The following PCSK7 variants were observed in gnomAD, a reference collection of about 807,000 sequenced individuals.
The protein encoded by PCSK7 is lymphoma proprotein convertase.
Under a neutral mutation model 73.3 loss-of-function variants are expected in PCSK7, and 38 were observed. That is an observed-to-expected ratio of 0.52 (90% CI 0.40 to 0.68). PCSK7 has a LOEUF of 0.68. Among genes scored for constraint, PCSK7 ranks in the 30% least tolerant of loss-of-function variants. The pLI is 0.00. For synonymous variants in PCSK7, 296 were observed against 383.8 expected, an observed-to-expected ratio of 0.77 and a Z score of 2.68; for missense variants, 692 against 991.5, an observed-to-expected ratio of 0.70 and a Z score of 4.06.
In PCSK7 at chr11:117,206,246, G is replaced by C; in HGVS notation, c.2109C>G (p.Pro703=). The part of the protein sequence containing the change: ...VASNQVCRSG[P]CHWPHRSRKA... ...TCCGGCTCCGATGGGGCCAGTGGCA[G>C]GGTCCACTCCTACAAACTTGATTGG... is the stretch of plus-strand genomic sequence containing the variant. The change falls in exon 17 of 17, where the codon CCC becomes CCG. Residue 703 remains proline, a synonymous_variant. Coordinates refer to ENST00000320934, the MANE Select transcript of PCSK7 (RefSeq NM_004716.4). 2 of 1,614,186 alleles carry C rather than the reference G, an allele frequency of 1.2e-6. No homozygotes were observed. The highest frequency in any genetic ancestry group is 1.1e-5 in the South Asian group (1 of 91,084).
rs200803355 is a variant in PCSK7 at position 117,219,769 on chromosome 11, A to G, written c.1156-11T>C. On this transcript the variant is annotated splice_polypyrimidine_tract_variant and intron_variant, in intron 9 of 16. Transcript: ENST00000320934. ...CCAGTCAGTGGTCACCTGGAAGTGA[A>G]ACAGGAAAAGGAAGTAGGTTAGAGA... 8.9e-6 allele frequency: 14 copies of G among 1,567,724 alleles called. No homozygotes were observed. The highest frequency in any genetic ancestry group is 1.0e-5 in the Non-Finnish European group (12 of 1,157,102).
At chr11:117,227,974 G>C (rs2032496286) in intron 4 of PCSK7, among the ~76,000 whole-genome samples, 2 of 152,212 alleles carry the variant, frequency 1.3e-5, no homozygotes, top group African/African-American at 4.8e-5. Context: ...GAAGTTGCCT[G>C]CAGGGGCCAC....
Position 117,219,120 on chromosome 11 carries a change from G to A in PCSK7, c.1368C>T (p.Phe456=). ...CGAAACCGTGCTGGTGGCTATGGCTGAAGCCTGCCTCGTTGGTGACCCACT... is the reference window on the plus strand; with the variant it reads ...CGAAACCGTGCTGGTGGCTATGGCTAAAGCCTGCCTCGTTGGTGACCCACT... The part of the protein sequence containing the change: ...RAEWVTNEAG[F]SHSHQHGFGL... Residue 456 remains phenylalanine, a synonymous_variant, in exon 11 of 17, where the codon TTC becomes TTT. Coordinates refer to ENST00000320934, the MANE Select transcript of PCSK7 (RefSeq NM_004716.4). 1 of 1,611,442 alleles carries A rather than the reference G, an allele frequency of 6.2e-7. No individual in the cohort carries two copies. Among genetic ancestry groups the A allele is most frequent in the South Asian group, 1.1e-5 (1 of 91,056 alleles).
chr11:117,212,872 GC>G, intron 12 of PCSK7: 1 of 152,164 alleles, frequency 6.6e-6, no homozygotes, highest in South Asian at 2.1e-4. Flanking sequence ...GCACCACCAT[GC>G]CCAGCTAATT....
intron 12 of PCSK7, chr11:117,216,995 G>A (rs12275502): frequency 6.6e-6 from 1 of 152,114 alleles, no homozygotes; most frequent in Non-Finnish European, 1.5e-5. Context: ...GAAAACTCTG[G>A]TAAAACTTTT....
chr11:117,227,257 C>T lies in PCSK7; in HGVS notation c.669G>A (p.Glu223=), dbSNP rs774551427. 1.2e-6 allele frequency: 2 copies of T among 1,613,744 alleles called. No individual in the cohort carries two copies. Among genetic ancestry groups the T allele is most frequent in the South Asian group, 1.1e-5 (1 of 91,068 alleles). The part of the protein sequence containing the change: ...DPDPMPHPDV[E]NGNHHGTRCA... ...ATCGCGTGCCATGGTGGTTGCCATTCTCCACATCCGGGTGGGGCATGGGGT... is the reference window on the plus strand; with the variant it reads ...ATCGCGTGCCATGGTGGTTGCCATTTTCCACATCCGGGTGGGGCATGGGGT... The change falls in exon 5 of 17, where the codon GAG becomes GAA. Residue 223 remains glutamate, a synonymous_variant. Transcript: ENST00000320934.
Position 117,224,133 on chromosome 11 carries a change from G to A in PCSK7, c.999C>T (p.His333=). The change falls in exon 8 of 17, where the codon CAC becomes CAT. Residue 333 remains histidine (H), a synonymous_variant. Coordinates refer to ENST00000320934, the MANE Select transcript of PCSK7 (RefSeq NM_004716.4). ...FVVASGNGGQ[H]NDNCNYDGYA... ...AGCCATCGTAGTTGCAGTTGTCGTT[G>A]TGTTGGCCTCCGTTGCCACTGGCTA... 2 of 1,614,142 alleles carry A rather than the reference G, an allele frequency of 1.2e-6. No individual in the cohort carries two copies. The highest frequency in any genetic ancestry group is 1.6e-4 in the Middle Eastern group (1 of 6,062).
chr11:117,208,618 G>A (rs1393854683), intron 13 of PCSK7: 1 of 320,880 alleles, frequency 3.1e-6, no homozygotes, highest in Non-Finnish European at 5.3e-6. Flanking sequence ...CCAAAGTGCT[G>A]GGATTACAGG....
At chr11:117,229,307 T>G in intron 3 of PCSK7, 70 bp downstream of exon 3, 1 of 1,179,478 alleles carries the variant, frequency 8.5e-7, no homozygotes, top group Non-Finnish European at 1.2e-6. Context: ...AGTGATATAG[T>G]CAAAAGCCCA....
In PCSK7 at chr11:117,204,364, G is replaced by A. The variant is rs759328216; in HGVS notation, c.*1633C>T. On this transcript the variant is annotated 3_prime_UTR_variant, in exon 17 of 17. Transcript: ENST00000320934. ...CCTCGGCAGATCATCAGTTAGAGCGGAGAGGGCTAGCCCTGAGCCCGGCCC... is the reference window on the plus strand; with the variant it reads ...CCTCGGCAGATCATCAGTTAGAGCGAAGAGGGCTAGCCCTGAGCCCGGCCC... 1 of 1,614,070 alleles carries A rather than the reference G, an allele frequency of 6.2e-7. No homozygotes were observed. Among genetic ancestry groups the A allele is most frequent in the Admixed American group, 1.7e-5 (1 of 60,006 alleles).
chr11:117,206,997 G>T lies in PCSK7; in HGVS notation c.1880+70C>A, dbSNP rs973534296. 16 of 1,526,482 alleles carry T rather than the reference G, an allele frequency of 1.0e-5. No individual in the cohort carries two copies. In the African/African-American group the frequency reaches 2.1e-4, roughly 20 times the overall value. The allele number at this position is 1,526,482 out of a possible 1,614,324, so 94.6% of individuals were successfully genotyped here. On this transcript the variant is annotated intron_variant, in intron 15 of 16. Coordinates refer to ENST00000320934, the MANE Select transcript of PCSK7 (RefSeq NM_004716.4). ...TGGGAAGCACAGCTGGGGTTCAGAG[G>T]GCGATGGGCTCCCTAGGCGGCCCTT...
At chr11:117,211,083 A>G (rs2031710797) in intron 12 of PCSK7, 1 of 152,162 alleles carries the variant, frequency 6.6e-6, no homozygotes, top group Non-Finnish European at 1.5e-5. Context: ...AGCAACTAAG[A>G]GCTATTATAG....
Position 117,223,314 on chromosome 11 carries a change from G to A in PCSK7, c.1055-6C>T, listed in dbSNP as rs368795024. ...TCCCTCCTCATCCACAGCTCCTAGG[G>A]ACAGAGGAGGGAGATTAGAGCTGAG... On this transcript the variant is annotated splice_region_variant and splice_polypyrimidine_tract_variant and intron_variant, in intron 8 of 16. Transcript: ENST00000320934. 1.1e-5 allele frequency: 17 copies of A among 1,562,512 alleles called. No individual in the cohort carries two copies. Among genetic ancestry groups the A allele is most frequent in the African/African-American group, 8.1e-5 (6 of 73,960 alleles).
chr11:117,227,390 G>T, intron 4 of PCSK7, 68 bp from the exon 5 acceptor site: 1 of 1,197,288 alleles, frequency 8.4e-7, no homozygotes. Context: ...GGGGTTCAGG[G>T]ACAGAAAGGA....
chr11:117,217,134 T>C (rs1330176956), intron 12 of PCSK7: 1 of 152,200 alleles, frequency 6.6e-6, no homozygotes, highest in East Asian at 1.9e-4. Flanking sequence ...AATCTGTCCT[T>C]CTTTCTCTTA....
chr11:117,224,560 GCCC>G, intron 7 of PCSK7, 138 bp downstream of exon 7: 1 of 765,342 alleles, frequency 1.3e-6, no homozygotes, highest in Non-Finnish European at 2.3e-6. Flanking sequence ...TAGGCTTCCT[GCCC>G]CGACGTTAGG....
chr11:117,229,938 A>G (rs1469354664), intron 2 of PCSK7, 82 bp from the exon 3 acceptor site: 3 of 788,334 alleles, frequency 3.8e-6, no homozygotes, highest in African/African-American at 3.5e-5. Context: ...TGAGCCATCC[A>G]TGTGTTCCCC....
chr11:117,213,115 A>T (rs76830818), intron 12 of PCSK7: 4,411 of 152,310 alleles, frequency 0.029, 90 homozygotes, highest in Non-Finnish European at 0.036. Context: ...TGCAGTGCCT[A>T]TAACACTGCA....
Position 117,207,057 on chromosome 11 carries a change from CT to C in PCSK7, c.1880+9del. The C allele has an allele frequency of 1.5e-6, 2 of 1,374,076 alleles. No homozygotes were observed. Among genetic ancestry groups the C allele is most frequent in the Non-Finnish European group, 2.1e-6 (2 of 967,030 alleles). 85.1% of individuals were successfully genotyped at this position (1,374,076 alleles called of 1,614,324 possible). On this transcript the variant is annotated intron_variant, in intron 15 of 16. Coordinates refer to ENST00000320934, the MANE Select transcript of PCSK7 (RefSeq NM_004716.4). The stretch of plus-strand genomic sequence containing the variant: ...CTGGCCTTCCCTCTGACACATGCGG[CT>C]TTACCCACCTTTGTCTGTCCCTGAT...
Sources: gnomAD v4.1 joint callset for allele counts (sites outside exome capture counted in the v4.1 genomes callset) on GRCh38, gnomAD v4.1.1 for gene constraint, MANE v1.5 for transcripts, NCBI Gene and HGNC (gene_info 2026-07-23, HGNC 2026-07-21) for gene names.